The following SH3TC1 variants were observed in gnomAD, a reference collection of about 807,000 sequenced individuals.
The protein encoded by SH3TC1 is SH3 domain and tetratricopeptide repeats 1.
Under a neutral mutation model 117.3 loss-of-function variants are expected in SH3TC1, and 135 were observed. That is an observed-to-expected ratio of 1.15 (90% CI 1.00 to 1.33). The LOEUF (loss-of-function observed/expected upper bound fraction) is 1.33. Ranked by LOEUF, SH3TC1 falls within the 40% of genes most tolerant of loss-of-function variation. SH3TC1 has a pLI of 0.00. For synonymous variants in SH3TC1, 898 were observed against 816.9 expected (o/e 1.10, Z -1.69); for missense variants, 2,092 against 1,794.3 (o/e 1.17, Z -3.00).
Position 8,205,472 on chromosome 4 carries a change from T to C in SH3TC1, c.172+106T>C, listed in dbSNP as rs1465273946. 3.6e-6 allele frequency: 5 copies of C among 1,404,184 alleles called. No individual in the cohort carries two copies. Among genetic ancestry groups the C allele is most frequent in the Non-Finnish European group, 5.0e-6 (5 of 999,910 alleles). The allele number at this position is 1,404,184 out of a possible 1,614,324, so 87.0% of individuals were successfully genotyped here. A position where few individuals can be genotyped will look rare whatever the true frequency, so the allele number is the denominator to read the frequency against. The stretch of plus-strand genomic sequence containing the variant: ...CCACCCTGCCTGCCTCCAGGCCTCT[T>C]GGGGCTGGGGCTGGAGTCTGCTCTC... On this transcript the variant is annotated intron_variant, in intron 2 of 17. Transcript: ENST00000245105. This position sits in a 1 kb window ranked among gnomAD's most constrained non-coding sequence, Gnocchi z 5.4.
rs755769740 is a variant in SH3TC1 at position 8,227,526 on chromosome 4, AC to A, written c.1834del (p.Arg612GlyfsTer77). ...GTGTACGCCAACCTGGCCAGCATTT[AC>A]CGGAAGCAGAAGAACCGGGAGAAGT... is the stretch of plus-strand genomic sequence containing the variant. ...VAVYANLASI[Y>X]RKQKNREKCA... On this transcript the variant is annotated frameshift_variant, in exon 12 of 18. Transcript: ENST00000245105. LOFTEE classifies it high-confidence loss of function. 4 of 1,536,770 alleles carry A rather than the reference AC, an allele frequency of 2.6e-6. No individual in the cohort carries two copies. In the South Asian group the frequency reaches 5.2e-5, roughly 20 times the overall value.
chr4:8,228,726 C>CG, intron 12 of SH3TC1, 82 bp downstream of exon 12: 1 of 1,216,180 alleles, frequency 8.2e-7, no homozygotes, highest in Non-Finnish European at 1.1e-6. Context: ...CAGACACAAG[C>CG]GGTGGTTTTT....
Position 8,225,668 on chromosome 4 carries a change from T to C in SH3TC1, c.1285+452T>C, listed in dbSNP as rs1038670146. ...GGTCTGCTCCTTCCTGAGGGGCTGATTGAGGGAGACCCTTCCATCTCCCCT... is the reference window on the plus strand; with the variant it reads ...GGTCTGCTCCTTCCTGAGGGGCTGACTGAGGGAGACCCTTCCATCTCCCCT... On this transcript the variant is annotated intron_variant, in intron 11 of 17. Coordinates refer to ENST00000245105, the MANE Select transcript of SH3TC1 (RefSeq NM_018986.5). This position sits in a 1 kb window ranked among gnomAD's most constrained non-coding sequence, Gnocchi z 5.5. 2.0e-4 allele frequency among the ~76,000 whole-genome samples: 30 copies of C among 152,264 alleles called. No individual in the cohort carries two copies. The highest frequency in any genetic ancestry group is 5.3e-4 in the African/African-American group (22 of 41,542).
intron 1 of SH3TC1, among the ~76,000 whole-genome samples, chr4:8,200,399 C>G (rs575955858): frequency 1.3e-5 from 2 of 152,340 alleles, no homozygotes; most frequent in East Asian, 3.9e-4. Context: ...GTCACCGCAG[C>G]TGATGGCTCA....
upstream of SH3TC1, among the ~76,000 whole-genome samples, chr4:8,195,939 C>A (rs1236800491): frequency 6.6e-6 from 1 of 152,186 alleles, no homozygotes; most frequent in Non-Finnish European, 1.5e-5. Context: ...AGCAGGGGCA[C>A]AGGGCAGCCC....
intron 1 of SH3TC1, among the ~76,000 whole-genome samples, chr4:8,199,979 C>T (rs1717718014): frequency 6.6e-6 from 1 of 152,204 alleles, no homozygotes; most frequent in Admixed American, 6.5e-5. Flanking sequence ...GCCCAGCCTT[C>T]AACTGCAGGT....
rs958179276 is a variant in SH3TC1, at chr4:8,210,155, G to A, written c.247+333G>A. Reference sequence around the variant, plus strand: ...GGTAGACGAAAGTACCCACTGCGTCGTGGGGTGAGGTGTCCAGGCACAGGC... The same window carrying A: ...GGTAGACGAAAGTACCCACTGCGTCATGGGGTGAGGTGTCCAGGCACAGGC... On this transcript the variant is annotated intron_variant, in intron 3 of 17. Transcript: ENST00000245105. This position sits in a 1 kb window ranked among gnomAD's most constrained non-coding sequence, Gnocchi z 4.1. Among the ~76,000 whole-genome samples the A allele has an allele frequency of 4.6e-5, 7 of 152,166 alleles. No homozygotes were observed. Among genetic ancestry groups the A allele is most frequent in the East Asian group, 1.9e-4 (1 of 5,174 alleles).
Position 8,237,546 on chromosome 4 carries a change from T to C in SH3TC1, c.3629T>C (p.Leu1210Pro). 1.2e-6 allele frequency: 2 copies of C among 1,610,638 alleles called. No homozygotes were observed. The highest frequency in any genetic ancestry group is 1.7e-6 in the Non-Finnish European group (2 of 1,179,016). Reference protein sequence around the residue: ...ALQHRLGHGELAEHFYLKALS... With the variant: ...ALQHRLGHGEPAEHFYLKALS... Reference sequence around the variant, plus strand: ...CAACACCGACTGGGCCATGGCGAGCTGGCAGAGCACTTCTACCTCAAGGCC... The same window carrying C: ...CAACACCGACTGGGCCATGGCGAGCCGGCAGAGCACTTCTACCTCAAGGCC... The change falls in exon 17 of 18, where the codon CTG becomes CCG. Residue 1210 changes from leucine to proline, a missense_variant. Physicochemically the swap from Leu to Pro is moderately conservative, Grantham distance 98. Coordinates refer to ENST00000245105, the MANE Select transcript of SH3TC1 (RefSeq NM_018986.5).
chr4:8,228,739 A>G, intron 12 of SH3TC1, 95 bp downstream of exon 12: 2 of 1,106,606 alleles, frequency 1.8e-6, no homozygotes, highest in Non-Finnish European at 2.5e-6. Flanking sequence ...TGGTTTTTCC[A>G]CCATCGAAAG....
rs1318801497 is a variant in SH3TC1, at chr4:8,227,325, C to T, written c.1631C>T (p.Ala544Val). ...SDEEELTGRL[A>V]QARGAAKKAG... Reference sequence around the variant, plus strand: ...GAGGAGGAGCTGACTGGGCGCCTGGCACAGGCCCGGGGGGCGGCCAAGAAA... The same window carrying T: ...GAGGAGGAGCTGACTGGGCGCCTGGTACAGGCCCGGGGGGCGGCCAAGAAA... Residue 544 changes from alanine to valine, a missense_variant, in exon 12 of 18, where the codon GCA (alanine) becomes GTA (valine). By Grantham distance (64) the Ala-to-Val change is moderately conservative. Coordinates refer to ENST00000245105, the MANE Select transcript of SH3TC1 (RefSeq NM_018986.5). 7 of 1,609,428 alleles carry T rather than the reference C, an allele frequency of 4.3e-6. 1 individual carries two copies. The South Asian group carries it at 7.7e-5, about 18-fold the overall frequency.
intron 10 of SH3TC1, chr4:8,224,898 A>C: frequency 2.2e-6 from 1 of 451,622 alleles, no homozygotes; most frequent in Middle Eastern, 5.8e-4. Flanking sequence ...TGGAGATGCT[A>C]GAACATGAGA....
Position 8,205,245 on chromosome 4 carries a change from G to A in SH3TC1, c.51G>A (p.Arg17=), listed in dbSNP as rs1718103782. Reference sequence around the variant, plus strand: ...CTGAGGAGCCGACCCCCATGGGGAGGGGTCCTGTGGGACCCTCAGGAGGTG... The same window carrying A: ...CTGAGGAGCCGACCCCCATGGGGAGAGGTCCTGTGGGACCCTCAGGAGGTG... ...VTTEEPTPMG[R]GPVGPSGGGS... Residue 17 remains arginine (R), a synonymous_variant, in exon 2 of 18, where the codon AGG becomes AGA. Transcript: ENST00000245105. This position sits in a 1 kb window ranked among gnomAD's most constrained non-coding sequence, Gnocchi z 5.4. The A allele has an allele frequency of 6.5e-7, 1 of 1,550,108 alleles. No homozygotes were observed. The highest frequency in any genetic ancestry group is 8.7e-7 in the Non-Finnish European group (1 of 1,147,024).
Position 8,239,682 on chromosome 4 carries a change from G to C in SH3TC1, c.3754-1016G>C, listed in dbSNP as rs551680922. Among the ~76,000 whole-genome samples the C allele has an allele frequency of 3.3e-5, 5 of 152,336 alleles. No homozygotes were observed. In the East Asian group the frequency reaches 7.7e-4, roughly 23 times the overall value. On this transcript the variant is annotated intron_variant, in intron 17 of 17. Transcript: ENST00000245105. ...GGCTGGCTCCTTCCTGTTTAGTTGG[G>C]ATGCCACCCGCTTCAGGAAGCCCTT...
chr4:8,229,888 C>T (rs531351401), intron 12 of SH3TC1, among the ~76,000 whole-genome samples: 64 of 152,206 alleles, frequency 4.2e-4, no homozygotes, highest in African/African-American at 1.4e-3. Flanking sequence ...GAAACGCAGG[C>T]CAGGGAACGA....
upstream of SH3TC1, among the ~76,000 whole-genome samples, chr4:8,194,771 A>G (rs1352767817): frequency 1.3e-5 from 2 of 152,176 alleles, no homozygotes; most frequent in East Asian, 1.9e-4. Context: ...TGCAAAGATT[A>G]ACTCTGGAGC....
At chr4:8,239,600 GCA>G (rs1413607160) in intron 17 of SH3TC1, among the ~76,000 whole-genome samples, 1 of 151,174 alleles carries the variant, frequency 6.6e-6, no homozygotes, top group African/African-American at 2.4e-5. Context: ...ACAGGCACGT[GCA>G]CACACACAGG....
chr4:8,183,151 C>T lies in SH3TC1; in HGVS notation c.-57+941C>T, dbSNP rs1164934884. On this transcript the variant is annotated intron_variant, in intron 1 of 16. Coordinates refer to the SH3TC1 transcript ENST00000508641. The surrounding 1 kb of genome is among the most constrained non-coding windows in gnomAD (Gnocchi z 5.4). ...GCCTGGCGACCTTGCCTCCCTCTCC[C>T]GCTGGGGCTATAGAATGGTCTGGAG... 5.9e-5 allele frequency among the ~76,000 whole-genome samples: 9 copies of T among 152,152 alleles called. No individual in the cohort carries two copies. The East Asian group carries it at 7.7e-4, about 13-fold the overall frequency.
intron 14 of SH3TC1, among the ~76,000 whole-genome samples, chr4:8,234,764 T>A (rs1160644768): frequency 6.6e-6 from 1 of 152,192 alleles, no homozygotes. Context: ...GCACAGCCCC[T>A]CACAGTGCCC....
chr4:8,187,088 C>T (rs1717242467), intron 1 of SH3TC1, among the ~76,000 whole-genome samples: 3 of 152,362 alleles, frequency 2.0e-5, no homozygotes, highest in Admixed American at 1.3e-4. Context: ...CTCCAGGAAG[C>T]CTTCCCTGAC....
Sources: allele counts gnomAD v4.1 joint callset (sites outside exome capture counted in the v4.1 genomes callset), GRCh38; gene constraint gnomAD v4.1.1; non-coding constraint Gnocchi (gnomAD v3.1); transcripts MANE v1.5; gene names NCBI Gene and HGNC (gene_info 2026-07-23, HGNC 2026-07-21).